Variants in STK32B observed in about 807,000 individuals in gnomAD.
STK32B encodes the protein serine/threonine kinase 32B.
In STK32B, 43 loss-of-function variants were observed where a neutral mutation model predicts 52.6. The observed-to-expected ratio is 0.82, with a 90% CI of 0.64 to 1.05. STK32B has a LOEUF of 1.05. Among genes scored for constraint, STK32B ranks in the 50% least tolerant of loss-of-function variants. STK32B has a pLI of 0.00. For missense variants in STK32B, 621 were observed against 534.6 expected (o/e 1.16, Z -1.59); for synonymous variants, 238 against 204.3 (o/e 1.17, Z -1.41).
intron 3 of STK32B, among the ~76,000 whole-genome samples, chr4:5,251,774 T>C (rs1725951169): frequency 6.6e-6 from 1 of 152,244 alleles, no homozygotes; most frequent in South Asian, 2.1e-4. Context: ...TAATTCACGT[T>C]ACACAGATCT....
intron 3 of STK32B, among the ~76,000 whole-genome samples, chr4:5,254,439 A>G (rs535663280): frequency 3.9e-5 from 6 of 152,104 alleles, no homozygotes; most frequent in South Asian, 2.1e-4. Flanking sequence ...TTAATATTCT[A>G]TTCCTAATTT....
intron 11 of STK32B, among the ~76,000 whole-genome samples, chr4:5,474,632 A>G (rs1330070957): frequency 6.6e-6 from 1 of 152,188 alleles, no homozygotes; most frequent in African/African-American, 2.4e-5. Context: ...AGGCCAGCAC[A>G]TGTAGGTTCT....
At chr4:5,180,130 A>T (rs1367582885) in intron 3 of STK32B, among the ~76,000 whole-genome samples, 3 of 152,194 alleles carry the variant, frequency 2.0e-5, no homozygotes, top group Admixed American at 2.0e-4. Context: ...TGCTGCCCAC[A>T]TGCCATGTCC....
At chr4:5,128,957 G>A (rs550210226) in intron 1 of STK32B, among the ~76,000 whole-genome samples, 1 of 152,214 alleles carries the variant, frequency 6.6e-6, no homozygotes, top group Non-Finnish European at 1.5e-5. Flanking sequence ...GGACATACAC[G>A]TAGTTTCTCA....
intron 3 of STK32B, among the ~76,000 whole-genome samples, chr4:5,241,474 G>A (rs1026699591): frequency 2.6e-5 from 4 of 152,092 alleles, no homozygotes; most frequent in Non-Finnish European, 5.9e-5. Flanking sequence ...ATAAATTGTT[G>A]AGCCAAGATC....
At chr4:5,106,857 T>G (rs1714135916) in intron 1 of STK32B, among the ~76,000 whole-genome samples, 1 of 152,234 alleles carries the variant, frequency 6.6e-6, no homozygotes, top group Admixed American at 6.5e-5. Flanking sequence ...CCCCTGGCCC[T>G]TAAATGTCCT....
chr4:5,049,219 C>T (rs1326818584), upstream of STK32B, among the ~76,000 whole-genome samples: 3 of 150,240 alleles, frequency 2.0e-5, no homozygotes, highest in African/African-American at 7.4e-5. Flanking sequence ...TTTTTTGAGA[C>T]GGAGTCTCAC....
intron 1 of STK32B, among the ~76,000 whole-genome samples, chr4:5,089,448 GTTC>G (rs1712926839): frequency 6.6e-6 from 1 of 152,118 alleles, no homozygotes; most frequent in Non-Finnish European, 1.5e-5. Flanking sequence ...TTGATTTTCT[GTTC>G]TTCTGTTAGT....
intron 5 of STK32B, among the ~76,000 whole-genome samples, chr4:5,410,189 G>A (rs1215240641): frequency 2.0e-5 from 3 of 152,194 alleles, no homozygotes; most frequent in African/African-American, 7.2e-5. Flanking sequence ...CAGGGTTGCT[G>A]GAAACGGCTG....
intron 11 of STK32B, among the ~76,000 whole-genome samples, chr4:5,490,883 T>G (rs1185098048): frequency 6.6e-6 from 1 of 152,190 alleles, no homozygotes; most frequent in Admixed American, 6.5e-5. Context: ...TTCATCCATG[T>G]CCCTACAAAG....
At chr4:5,091,092 G>C (rs1043790624) in intron 1 of STK32B, among the ~76,000 whole-genome samples, 6 of 152,030 alleles carry the variant, frequency 3.9e-5, no homozygotes, top group Admixed American at 1.3e-4. Context: ...AAATATAAAA[G>C]GAGGAAACAC....
At chr4:5,067,964 C>T (rs1215500401) in intron 1 of STK32B, among the ~76,000 whole-genome samples, 3 of 152,024 alleles carry the variant, frequency 2.0e-5, no homozygotes, top group African/African-American at 2.4e-5. Flanking sequence ...AGTCCTCCCT[C>T]ATGATCCAAT....
intron 6 of STK32B, among the ~76,000 whole-genome samples, chr4:5,425,112 G>C (rs1448801623): frequency 6.6e-6 from 1 of 152,232 alleles, no homozygotes; most frequent in East Asian, 1.9e-4. Context: ...ATGCTCGCTT[G>C]CTCACACAAC....
At chr4:5,288,866 T>A (rs190664976) in intron 3 of STK32B, among the ~76,000 whole-genome samples, 1 of 152,372 alleles carries the variant, frequency 6.6e-6, no homozygotes, top group Non-Finnish European at 1.5e-5. Flanking sequence ...CAACTATGTT[T>A]TAAAGTTTTA....
At position 5,452,585 on chromosome 4, in the gene STK32B, T is replaced by C. The variant is rs1426581569; in HGVS notation, c.667-4222T>C. Among the ~76,000 whole-genome samples the C allele has an allele frequency of 4.6e-5, 7 of 152,280 alleles. No individual in the cohort carries two copies. The East Asian group carries it at 1.4e-3, about 29-fold the overall frequency. ...GGCAGGGAAAGTGTTTCTCTGGGGT[T>C]TGGAGGTTTAAATTGCCTAAGGAAC... is the stretch of plus-strand genomic sequence containing the variant. On this transcript the variant is annotated intron_variant, in intron 7 of 11. Transcript: ENST00000282908.
intron 1 of STK32B, among the ~76,000 whole-genome samples, chr4:5,076,261 T>C (rs1227072240): frequency 6.6e-6 from 1 of 152,192 alleles, no homozygotes; most frequent in Non-Finnish European, 1.5e-5. Flanking sequence ...TTGGAACAAA[T>C]AATCCAATCT....
chr4:5,113,467 A>G (rs755073593), intron 1 of STK32B, among the ~76,000 whole-genome samples: 2 of 152,200 alleles, frequency 1.3e-5, no homozygotes, highest in East Asian at 1.9e-4. Context: ...CTGTGTGGAC[A>G]TGTAGTATGG....
At chr4:5,306,243 G>C (rs1030795400) in intron 3 of STK32B, among the ~76,000 whole-genome samples, 2 of 152,090 alleles carry the variant, frequency 1.3e-5, no homozygotes, top group Admixed American at 1.3e-4. Context: ...TACAGTTTAA[G>C]TTCATTGTTT....
At chr4:5,205,913 A>C (rs1194120858) in intron 3 of STK32B, among the ~76,000 whole-genome samples, 1 of 152,150 alleles carries the variant, frequency 6.6e-6, no homozygotes, top group East Asian at 1.9e-4. Flanking sequence ...TCCTGGGCCA[A>C]AGGAATGGAA....
Sources: gnomAD v4.1 joint callset for allele counts (sites outside exome capture counted in the v4.1 genomes callset) on GRCh38, gnomAD v4.1.1 for gene constraint, MANE v1.5 for transcripts, NCBI Gene and HGNC (gene_info 2026-07-23, HGNC 2026-07-21) for gene names.